Variants in SYT6 observed in about 807,000 individuals in gnomAD.
SYT6 encodes the protein synaptotagmin 6.
In SYT6, 24 loss-of-function variants were observed where a neutral mutation model predicts 38.4. The ratio of observed to expected loss-of-function variants is 0.62; its 90% CI spans 0.45 to 0.88. The LOEUF (loss-of-function observed/expected upper bound fraction) is 0.88, where lower values mean the gene tolerates loss of function less well. SYT6 is among the 40% of genes least tolerant of loss of function. The pLI is 0.00. For missense variants in SYT6, 611 were observed against 621.0 expected, an observed-to-expected ratio of 0.98 and a Z score of 0.17; for synonymous variants, 265 against 241.9, an observed-to-expected ratio of 1.10 and a Z score of -0.89.
rs1272650774 is a variant in SYT6, at chr1:114,089,920, T to A, written c.*2214A>T. ...TAGCTGCTTGGATATAAGAGGAATG[T>A]CTCAGATGAGCAATACTATTGTGAT... On this transcript the variant is annotated 3_prime_UTR_variant, in exon 8 of 8. Transcript: ENST00000610222. 6.6e-6 allele frequency: 1 copy of A among 152,354 alleles called. No individual in the cohort carries two copies. Among genetic ancestry groups the A allele is most frequent in the Non-Finnish European group, 1.5e-5 (1 of 68,046 alleles). 9.4% of individuals were successfully genotyped at this position (152,354 alleles called of 1,614,324 possible). A position where few individuals can be genotyped will look rare whatever the true frequency, so the allele number is the denominator to read the frequency against.
chr1:114,129,136 T>A (rs543200227), intron 3 of SYT6, among the ~76,000 whole-genome samples: 137 of 152,200 alleles, frequency 9.0e-4, no homozygotes, highest in Non-Finnish European at 1.4e-3. Flanking sequence ...GGACTGAAAA[T>A]CTTGATTCTT....
chr1:114,110,757 C>T (rs1017945534), intron 3 of SYT6, among the ~76,000 whole-genome samples: 1 of 152,156 alleles, frequency 6.6e-6, no homozygotes, highest in Admixed American at 6.5e-5. Context: ...TTCTGAGTGT[C>T]CCCAAACTCT....
At chr1:114,108,727 G>T (rs1330211033) in intron 3 of SYT6, among the ~76,000 whole-genome samples, 2 of 152,122 alleles carry the variant, frequency 1.3e-5, no homozygotes, top group Non-Finnish European at 2.9e-5. Context: ...CAAATGTTTT[G>T]TTCTTCTCCA....
chr1:114,108,635 G>C (rs1676477202), intron 3 of SYT6, among the ~76,000 whole-genome samples: 1 of 152,206 alleles, frequency 6.6e-6, no homozygotes, highest in Non-Finnish European at 1.5e-5. Flanking sequence ...TGCTTAAGTG[G>C]TGTCTATCGC....
intron 3 of SYT6, among the ~76,000 whole-genome samples, chr1:114,117,956 T>C (rs575454823): frequency 6.6e-6 from 1 of 152,304 alleles, no homozygotes; most frequent in South Asian, 2.1e-4. Flanking sequence ...CAGAGCAAAC[T>C]CTTCAGACAC....
intron 4 of SYT6, among the ~76,000 whole-genome samples, chr1:114,101,530 G>A (rs1443904428): frequency 2.0e-5 from 3 of 152,302 alleles, no homozygotes; most frequent in African/African-American, 7.2e-5. Flanking sequence ...TTAGTGTCAT[G>A]GTTCTAGCAG....
rs1015046574 is a variant in SYT6, at chr1:114,097,639, G to T, written c.1515+88C>A. ...CCCTCATGCCCACCTTTCCACAAAAGGCCGAGGGTGTCACTGCAGCTGACT... is the reference window on the plus strand; with the variant it reads ...CCCTCATGCCCACCTTTCCACAAAATGCCGAGGGTGTCACTGCAGCTGACT... On this transcript the variant is annotated intron_variant, in intron 6 of 7. Transcript: ENST00000610222. 4.6e-6 allele frequency: 7 copies of T among 1,524,462 alleles called. No homozygotes were observed. In the African/African-American group the frequency reaches 9.6e-5, roughly 21 times the overall value. 94.4% of individuals were successfully genotyped at this position (1,524,462 alleles called of 1,614,324 possible). A position where few individuals can be genotyped will look rare whatever the true frequency, so the allele number is the denominator to read the frequency against.
At chr1:114,124,150 CACAGAAA>C (rs1235885233) in intron 3 of SYT6, among the ~76,000 whole-genome samples, 1 of 152,176 alleles carries the variant, frequency 6.6e-6, no homozygotes, top group Non-Finnish European at 1.5e-5. Flanking sequence ...TTACAAGCCC[CACAGAAA>C]TGCCAATGGC....
chr1:114,099,180 A>G lies in SYT6; in HGVS notation c.1278T>C (p.Pro426=), dbSNP rs1675821798. 1 of 1,614,192 alleles carries G rather than the reference A, an allele frequency of 6.2e-7. No individual in the cohort carries two copies. Among genetic ancestry groups the G allele is most frequent in the South Asian group, 1.1e-5 (1 of 91,070 alleles). Residue 426 remains proline, a synonymous_variant, in exon 5 of 8, where the codon CCT becomes CCC. Coordinates refer to ENST00000610222, the MANE Select transcript of SYT6 (RefSeq NM_001253772.2). ...CAAAGATGATGGCCTCATTGTAGAC[A>G]GGATTGAGAGTGTTTTTCTTTATGG... ...KTTIKKNTLN[P]VYNEAIIFDI...
rs1032273273 is a variant in SYT6, at chr1:114,091,920, C to T, written c.*214G>A. On this transcript the variant is annotated 3_prime_UTR_variant, in exon 8 of 8. Transcript: ENST00000610222. ...AGTGACGGACGGCTGCCGCTGCTGC[C>T]GCCACTGCGACTGCACAACACTGTT... 20 of 1,358,156 alleles carry T rather than the reference C, an allele frequency of 1.5e-5. No individual in the cohort carries two copies. Among genetic ancestry groups the T allele is most frequent in the African/African-American group, 7.2e-5 (5 of 69,360 alleles). The allele number at this position is 1,358,156 out of a possible 1,614,324, so 84.1% of individuals were successfully genotyped here. A position where few individuals can be genotyped will look rare whatever the true frequency, so the allele number is the denominator to read the frequency against.
In SYT6 at chr1:114,110,361, C is replaced by T. The variant is rs149149919; in HGVS notation, c.1072-6640G>A. Among the ~76,000 whole-genome samples, 4 of 152,214 alleles carry T rather than the reference C, an allele frequency of 2.6e-5. No homozygotes were observed. The East Asian group carries it at 5.8e-4, about 22-fold the overall frequency. On this transcript the variant is annotated intron_variant, in intron 3 of 7. Coordinates refer to ENST00000610222, the MANE Select transcript of SYT6 (RefSeq NM_001253772.2). ...TAAGCAAGATGGTACCCAAGGGCAGCGAGGGAGCCAGGGACCTGACCAAGG... is the reference window on the plus strand; with the variant it reads ...TAAGCAAGATGGTACCCAAGGGCAGTGAGGGAGCCAGGGACCTGACCAAGG...
intron 3 of SYT6, among the ~76,000 whole-genome samples, chr1:114,114,149 T>A (rs540165130): frequency 6.6e-6 from 1 of 152,322 alleles, no homozygotes; most frequent in South Asian, 2.1e-4. Flanking sequence ...GATCTGGGTC[T>A]GTTTTGCCAG....
chr1:114,121,235 G>C (rs1360003509), intron 3 of SYT6, among the ~76,000 whole-genome samples: 1 of 152,206 alleles, frequency 6.6e-6, no homozygotes, highest in Non-Finnish European at 1.5e-5. Context: ...CTTGGTCTTT[G>C]GTGAGAAGGC....
chr1:114,136,872 G>C (rs1375015378), intron 3 of SYT6, among the ~76,000 whole-genome samples: 1 of 152,080 alleles, frequency 6.6e-6, no homozygotes, highest in Non-Finnish European at 1.5e-5. Flanking sequence ...CTTGATATTA[G>C]GAGTTACCGC....
intron 3 of SYT6, among the ~76,000 whole-genome samples, chr1:114,136,303 G>A (rs1678480189): frequency 6.6e-6 from 1 of 152,134 alleles, no homozygotes; most frequent in Non-Finnish European, 1.5e-5. Context: ...TATCCAAGCG[G>A]GAGTCTGCAG....
intron 1 of SYT6, among the ~76,000 whole-genome samples, chr1:114,145,865 A>G (rs1350444974): frequency 6.6e-6 from 1 of 152,186 alleles, no homozygotes; most frequent in Non-Finnish European, 1.5e-5. Context: ...AAATAATTGA[A>G]TTCGTAAATG....
chr1:114,121,765 C>G (rs1677414699), intron 3 of SYT6, among the ~76,000 whole-genome samples: 1 of 152,184 alleles, frequency 6.6e-6, no homozygotes, highest in Non-Finnish European at 1.5e-5. Flanking sequence ...ATACTGATAT[C>G]TTCCTATATT....
chr1:114,144,757 G>T (rs1679068752), intron 1 of SYT6, among the ~76,000 whole-genome samples: 1 of 152,172 alleles, frequency 6.6e-6, no homozygotes, highest in Non-Finnish European at 1.5e-5. Context: ...ATAGGCTCCA[G>T]GGAAAGAGAT....
At chr1:114,113,361 A>C (rs1571846475) in intron 3 of SYT6, among the ~76,000 whole-genome samples, 2 of 151,108 alleles carry the variant, frequency 1.3e-5, no homozygotes. Flanking sequence ...TTCTCTCCTC[A>C]CTCAGCCATA....
Sources: gnomAD v4.1 joint callset for allele counts (sites outside exome capture counted in the v4.1 genomes callset) on GRCh38, gnomAD v4.1.1 for gene constraint, MANE v1.5 for transcripts, NCBI Gene and HGNC (gene_info 2026-07-23, HGNC 2026-07-21) for gene names.